Variants in KIF25 observed in about 807,000 individuals in gnomAD.
KIF25 encodes kinesin family member 25.
In KIF25, 19 loss-of-function variants were observed where a neutral mutation model predicts 32.9. The observed-to-expected ratio is 0.58, with a 90% CI of 0.40 to 0.85. The LOEUF (loss-of-function observed/expected upper bound fraction) is 0.85, where lower values mean the gene tolerates loss of function less well. Among genes scored for constraint, KIF25 ranks in the 40% least tolerant of loss-of-function variants. The probability of loss-of-function intolerance (pLI) is 0.00; values close to 1 mark genes in which losing one functional copy is unlikely to be tolerated. For synonymous variants in KIF25, 225 were observed against 213.7 expected (o/e 1.05, Z -0.46); for missense variants, 485 against 507.0 (o/e 0.96, Z 0.42).
chr6:168,040,226 C>T lies in KIF25; in HGVS notation c.646+10C>T, dbSNP rs749027222. The stretch of plus-strand genomic sequence containing the variant: ...TGCTCTGACAGCACTGGTAAGTCAC[C>T]ATTTGTGCTTGGTCAGTGGCAAGTA... On this transcript the variant is annotated intron_variant, in intron 10 of 12. Coordinates refer to ENST00000643607, the MANE Select transcript of KIF25 (RefSeq NM_030615.4). The T allele has an allele frequency of 1.4e-5, 22 of 1,604,264 alleles. No individual in the cohort carries two copies. In the East Asian group the frequency reaches 3.1e-4, roughly 23 times the overall value.
At chr6:168,001,560 A>G (rs1798502085) in intron 2 of KIF25, among the ~76,000 whole-genome samples, 1 of 97,450 alleles carries the variant, frequency 1.0e-5, no homozygotes, top group African/African-American at 4.7e-5. Context: ...GGCCTCGGGC[A>G]GGTGAGAAGA....
chr6:168,019,022 T>TA (rs1562384410), intron 5 of KIF25, among the ~76,000 whole-genome samples: 6 of 152,196 alleles, frequency 3.9e-5, no homozygotes. Flanking sequence ...GGGGCAGAAA[T>TA]ACCTCGTGAT....
intron 4 of KIF25, among the ~76,000 whole-genome samples, chr6:168,009,776 A>T (rs2516814): frequency 0.47 from 71,591 of 151,740 alleles, 18,611 homozygotes; most frequent in Non-Finnish European, 0.59. Flanking sequence ...TCAGATTTTT[A>T]ATTTCTTTTT....
rs199726016 is a variant in KIF25 at position 168,018,377 on chromosome 6, GCA to G, written c.-95+341_-95+342del. 4.9e-3 allele frequency among the ~76,000 whole-genome samples: 751 copies of G among 152,176 alleles called. 5 individuals are homozygous for G. The highest frequency in any genetic ancestry group is 0.017 in the African/African-American group (716 of 41,528). On this transcript the variant is annotated intron_variant, in intron 5 of 12. Coordinates refer to ENST00000643607, the MANE Select transcript of KIF25 (RefSeq NM_030615.4). ...CTGTAGGCTAATGTGTGTGTTCTGG[GCA>G]CACTTAAGGCAAGCTAGGCTGAGCT...
chr6:168,042,885 G>A (rs1004002403), intron 12 of KIF25, among the ~76,000 whole-genome samples, 169 bp downstream of exon 12: 2 of 152,094 alleles, frequency 1.3e-5, no homozygotes, highest in African/African-American at 2.4e-5. Context: ...ATTCTCCTGC[G>A]CCGTCTCACC....
intron 2 of KIF25, among the ~76,000 whole-genome samples, chr6:168,001,281 C>T (rs1009460003): frequency 2.6e-5 from 4 of 152,236 alleles, no homozygotes; most frequent in Admixed American, 6.5e-5. Context: ...TTTCTTTCAG[C>T]GTCATCTCAG....
In KIF25 at chr6:168,033,981, C is replaced by T. The variant is rs150299707; in HGVS notation, c.267C>T (p.Asp89=). Residue 89 remains aspartate, a synonymous_variant, in exon 8 of 13, where the codon GAC becomes GAT. Transcript: ENST00000643607. ...HSDDGPVLPL[D]PQSDLGIIPR... ...ACGACGGCCCTGTTCTGCCGCTTGA[C>T]CCACAGAGTGACTTAGGAATTATCC... 1 of 1,614,174 alleles carries T rather than the reference C, an allele frequency of 6.2e-7. No individual in the cohort carries two copies. The highest frequency in any genetic ancestry group is 1.7e-5 in the Admixed American group (1 of 60,020).
chr6:168,008,447 T>C lies in KIF25; in HGVS notation c.-163+4744T>C, dbSNP rs139221168. Among the ~76,000 whole-genome samples, 6 of 152,376 alleles carry C rather than the reference T, an allele frequency of 3.9e-5. No individual in the cohort carries two copies. In the East Asian group the frequency reaches 1.2e-3, roughly 29 times the overall value. On this transcript the variant is annotated intron_variant, in intron 4 of 12. Coordinates refer to ENST00000643607, the MANE Select transcript of KIF25 (RefSeq NM_030615.4). ...CCACTGGTCTATGTGTTTGTTTCTATGCCAGTACCATGCTATTTTGGTTAC... is the reference window on the plus strand; with the variant it reads ...CCACTGGTCTATGTGTTTGTTTCTACGCCAGTACCATGCTATTTTGGTTAC...
At chr6:168,023,901 G>T (rs1269880482) in intron 5 of KIF25, among the ~76,000 whole-genome samples, 1 of 152,140 alleles carries the variant, frequency 6.6e-6, no homozygotes, top group African/African-American at 2.4e-5. Context: ...AATAATATTA[G>T]AATCTGTATA....
rs1018325944 is a variant in KIF25 at position 168,038,481 on chromosome 6, G to C, written c.318-72G>C. 4.0e-6 allele frequency: 6 copies of C among 1,497,338 alleles called. No homozygotes were observed. In the East Asian group the frequency reaches 1.4e-4, roughly 34 times the overall value. The allele number at this position is 1,497,338 out of a possible 1,614,324, so 92.8% of individuals were successfully genotyped here. A position where few individuals can be genotyped will look rare whatever the true frequency, so the allele number is the denominator to read the frequency against. Reference sequence around the variant, plus strand: ...CTGAGCATCCTGTAGGGCGTCTGGGGCTATGATTGGCTTACACTGAAAATC... The same window carrying C: ...CTGAGCATCCTGTAGGGCGTCTGGGCCTATGATTGGCTTACACTGAAAATC... On this transcript the variant is annotated intron_variant, in intron 8 of 12. Transcript: ENST00000643607.
At chr6:168,004,004 A>C (rs1282971666) in intron 4 of KIF25, among the ~76,000 whole-genome samples, 1 of 152,220 alleles carries the variant, frequency 6.6e-6, no homozygotes, top group Non-Finnish European at 1.5e-5. Flanking sequence ...TATAAATATA[A>C]AATCAGTGAT....
chr6:168,033,160 A>G (rs1798965153), intron 7 of KIF25, among the ~76,000 whole-genome samples: 3 of 152,212 alleles, frequency 2.0e-5, no homozygotes, highest in South Asian at 2.1e-4. Context: ...GACTGTGGAC[A>G]TGAACACCTC....
At chr6:168,007,324 T>C (rs938462470) in intron 4 of KIF25, among the ~76,000 whole-genome samples, 1 of 152,064 alleles carries the variant, frequency 6.6e-6, no homozygotes, top group Admixed American at 6.5e-5. Flanking sequence ...AGGTAGGAGA[T>C]CGCTTGAATC....
intron 4 of KIF25, among the ~76,000 whole-genome samples, chr6:168,008,272 A>T (rs1798604133): frequency 6.6e-6 from 1 of 152,160 alleles, no homozygotes; most frequent in Non-Finnish European, 1.5e-5. Context: ...GTGGGGGTCT[A>T]GTTTCATTCT....
chr6:168,012,249 C>G (rs1190429863), intron 4 of KIF25, among the ~76,000 whole-genome samples: 1 of 152,082 alleles, frequency 6.6e-6, no homozygotes, highest in Non-Finnish European at 1.5e-5. Flanking sequence ...ACATATTTCC[C>G]TGCTTTTTCA....
At chr6:168,004,519 T>C (rs1490069223) in intron 4 of KIF25, among the ~76,000 whole-genome samples, 1 of 152,202 alleles carries the variant, frequency 6.6e-6, no homozygotes, top group African/African-American at 2.4e-5. Flanking sequence ...GTAGGAAACA[T>C]ACTCAGGGCA....
intron 5 of KIF25, among the ~76,000 whole-genome samples, chr6:168,021,266 G>T (rs1029843062): frequency 3.9e-5 from 6 of 152,292 alleles, no homozygotes; most frequent in Admixed American, 3.3e-4. Flanking sequence ...GTTGTTAAGA[G>T]AATTTTTCTG....
At chr6:168,041,287 T>C (rs1394899316) in intron 10 of KIF25, among the ~76,000 whole-genome samples, 1 of 152,166 alleles carries the variant, frequency 6.6e-6, no homozygotes, top group Non-Finnish European at 1.5e-5. Context: ...GTGCTGACAA[T>C]AGCCCCTGGC....
At chr6:168,035,742 G>T in intron 8 of KIF25, 2 of 455,962 alleles carry the variant, frequency 4.4e-6, no homozygotes, top group South Asian at 3.1e-5. Context: ...CTCCCTCCAG[G>T]GCACAGTGAT....
Sources: allele counts gnomAD v4.1 joint callset (sites outside exome capture counted in the v4.1 genomes callset), GRCh38; gene constraint gnomAD v4.1.1; transcripts MANE v1.5; gene names NCBI Gene and HGNC (gene_info 2026-07-23, HGNC 2026-07-21).